Variants in TACC2 observed in about 807,000 individuals in gnomAD.
TACC2 encodes the protein transforming acidic coiled-coil containing protein 2.
Under a neutral mutation model 227.3 loss-of-function variants are expected in TACC2, and 137 were observed. That is an observed-to-expected ratio of 0.60 (90% CI 0.52 to 0.69). The LOEUF is 0.69. TACC2 is among the 30% of genes least tolerant of loss of function. The pLI is 0.00. For missense variants in TACC2, 3,470 were observed against 3,694.4 expected, an observed-to-expected ratio of 0.94 and a Z score of 1.57; for synonymous variants, 1,523 against 1,487.5, an observed-to-expected ratio of 1.02 and a Z score of -0.55.
At chr10:122,178,172 C>T (rs1374412681) in intron 7 of TACC2, among the ~76,000 whole-genome samples, 1 of 151,882 alleles carries the variant, frequency 6.6e-6, no homozygotes, top group Non-Finnish European at 1.5e-5. Flanking sequence ...CTTGCTGTGT[C>T]CTTGCATGGT....
At chr10:122,213,396 A>C (rs150669201) in intron 9 of TACC2, 3 of 1,611,382 alleles carry the variant, frequency 1.9e-6, no homozygotes, top group Non-Finnish European at 2.5e-6. Context: ...ATTTAATGCA[A>C]TCTGCCTCTT....
rs201403636 is a variant in TACC2 at position 122,086,555 on chromosome 10, G to A, written c.4055G>A (p.Gly1352Asp). 94 of 1,605,798 alleles carry A rather than the reference G, an allele frequency of 5.9e-5. No individual in the cohort carries two copies. The highest frequency in any genetic ancestry group is 1.7e-5 in the Admixed American group (1 of 59,546). The change falls in exon 4 of 23, where the codon GGT (glycine) becomes GAT (aspartate). Residue 1352 changes from glycine to aspartate, a missense_variant. Gly to Asp is a moderately conservative substitution (Grantham distance 94). Coordinates refer to ENST00000369005, the MANE Select transcript of TACC2 (RefSeq NM_206862.4). ...TGEEKAATAP[G>D]AGAKASGEGM... The stretch of plus-strand genomic sequence containing the variant: ...GAAGAGAAAGCAGCAACAGCTCCAG[G>A]TGCAGGTGCCAAGGCCAGTGGGGAG...
intron 7 of TACC2, among the ~76,000 whole-genome samples, chr10:122,152,506 G>C (rs1039119814): frequency 6.6e-6 from 1 of 152,174 alleles, no homozygotes; most frequent in Admixed American, 6.5e-5. Context: ...CGATTGGCAC[G>C]GACCTTCCCT....
At chr10:122,053,995 G>A (rs955751734) in intron 3 of TACC2, among the ~76,000 whole-genome samples, 1 of 152,210 alleles carries the variant, frequency 6.6e-6, no homozygotes, top group Non-Finnish European at 1.5e-5. Flanking sequence ...TATTCCCAAA[G>A]ATGGTCCCTC....
intron 19 of TACC2, 155 bp from the exon 20 acceptor site, chr10:122,248,488 G>T: frequency 1.2e-6 from 1 of 831,932 alleles, no homozygotes; most frequent in Non-Finnish European, 1.9e-6. Context: ...GACAGTCTGG[G>T]AGGGCTCTGG....
intron 5 of TACC2, among the ~76,000 whole-genome samples, chr10:122,105,815 GT>G (rs1314549261): frequency 6.6e-6 from 1 of 151,066 alleles, no homozygotes; most frequent in East Asian, 2.0e-4. Context: ...TAGAGATGGG[GT>G]TTCACCACGT....
In TACC2 at chr10:122,084,098, C is replaced by G. The variant is rs752444601; in HGVS notation, c.1598C>G (p.Pro533Arg). 1.2e-6 allele frequency: 2 copies of G among 1,614,120 alleles called. No individual in the cohort carries two copies. Among genetic ancestry groups the G allele is most frequent in the Admixed American group, 1.7e-5 (1 of 60,018 alleles). The change falls in exon 4 of 23, where the codon CCT becomes CGT. Residue 533 changes from proline (P) to arginine (R), a missense_variant. Pro to Arg is a moderately radical substitution (Grantham distance 103). This residue lies in a region of TACC2 where 1,924 missense variants were observed against 1,978.3 expected (regional missense o/e 0.97). Coordinates refer to ENST00000369005, the MANE Select transcript of TACC2 (RefSeq NM_206862.4). ...SHEVQPGAPPPPLPKAPSESA... is the reference protein window; with the variant it reads ...SHEVQPGAPPRPLPKAPSESA... The stretch of plus-strand genomic sequence containing the variant: ...GAGGTCCAACCAGGAGCACCACCCC[C>G]TCCTCTTCCCAAGGCACCAAGTGAA...
intron 7 of TACC2, among the ~76,000 whole-genome samples, chr10:122,173,697 A>G (rs1762454406): frequency 6.6e-6 from 1 of 152,244 alleles, no homozygotes; most frequent in Non-Finnish European, 1.5e-5. Context: ...TGTCTGTGGA[A>G]GGTGGTCCTT....
At chr10:122,229,213 A>G in intron 14 of TACC2, 133 bp from the exon 15 acceptor site, 1 of 957,072 alleles carries the variant, frequency 1.0e-6, no homozygotes, top group Non-Finnish European at 1.6e-6. Context: ...AAGTAATGGC[A>G]GCTAATTGAT....
intron 9 of TACC2, chr10:122,213,242 C>G: frequency 7.9e-7 from 1 of 1,265,628 alleles, no homozygotes; most frequent in African/African-American, 1.5e-5. Flanking sequence ...ACAGCGGTGG[C>G]CGCCATATCC....
At chr10:122,137,632 A>G (rs2089917525) in intron 6 of TACC2, among the ~76,000 whole-genome samples, 1 of 152,222 alleles carries the variant, frequency 6.6e-6, no homozygotes, top group Non-Finnish European at 1.5e-5. Flanking sequence ...ACTCCCACCC[A>G]CACGGCTGAA....
At chr10:122,009,270 A>C (rs985086851) in intron 1 of TACC2, among the ~76,000 whole-genome samples, 1 of 152,036 alleles carries the variant, frequency 6.6e-6, no homozygotes, top group African/African-American at 2.4e-5. Flanking sequence ...TCACTTTGGG[A>C]GGAAGTATTG....
At chr10:122,025,403 C>T (rs897559967) in intron 2 of TACC2, among the ~76,000 whole-genome samples, 7 of 150,290 alleles carry the variant, frequency 4.7e-5, no homozygotes, top group Admixed American at 1.3e-4. Flanking sequence ...TGGGATTACA[C>T]GCGCATGCCA....
At chr10:122,218,397 C>T (rs978713640) in intron 11 of TACC2, among the ~76,000 whole-genome samples, 4 of 151,884 alleles carry the variant, frequency 2.6e-5, no homozygotes, top group Non-Finnish European at 5.9e-5. Context: ...CATGAGGGTG[C>T]AGGTAGATTT....
At chr10:122,198,551 C>G (rs1357232364) in intron 8 of TACC2, among the ~76,000 whole-genome samples, 2 of 152,220 alleles carry the variant, frequency 1.3e-5, no homozygotes, top group Non-Finnish European at 2.9e-5. Flanking sequence ...TGTTTCATCT[C>G]CCACTCAGGT....
At position 122,248,956 on chromosome 10, in the gene TACC2, G is replaced by T. The variant is rs561825105; in HGVS notation, c.8554-94G>T. 2,214 of 1,490,942 alleles carry T rather than the reference G, an allele frequency of 1.5e-3. 3 individuals carry two copies. Among genetic ancestry groups the T allele is most frequent in the South Asian group, 2.4e-3 (205 of 84,632 alleles). 92.4% of individuals were successfully genotyped at this position (1,490,942 alleles called of 1,614,324 possible). A position where few individuals can be genotyped will look rare whatever the true frequency, so the allele number is the denominator to read the frequency against. On this transcript the variant is annotated intron_variant, in intron 20 of 22. Transcript: ENST00000369005. ...GGGGAGGCAGACTTGGCCGCCTGGG[G>T]TTACACCTGCATCCGAGAGTTCCTG... is the stretch of plus-strand genomic sequence containing the variant.
intron 6 of TACC2, among the ~76,000 whole-genome samples, chr10:122,140,799 T>A (rs2090413894): frequency 1.3e-5 from 2 of 152,202 alleles, no homozygotes; most frequent in South Asian, 4.1e-4. Flanking sequence ...CCTACCTGCT[T>A]ACTCGCTTTG....
chr10:122,017,818 C>CAAAAAAAAA (rs5788525), intron 1 of TACC2, among the ~76,000 whole-genome samples: 4 of 74,882 alleles, frequency 5.3e-5, no homozygotes, highest in Admixed American at 1.8e-4. Flanking sequence ...GAAACTGTCT[C>CAAAAAAAAA]AAAAAAAAAA....
chr10:122,253,696 G>A lies in TACC2; in HGVS notation c.8782-295G>A, dbSNP rs2096291292. The stretch of plus-strand genomic sequence containing the variant: ...CTAGTTAGTCCTTCACTCTGTGCTG[G>A]TCACTGCCAGGAAACTACATTTATC... On this transcript the variant is annotated intron_variant, in intron 22 of 22. Coordinates refer to ENST00000369005, the MANE Select transcript of TACC2 (RefSeq NM_206862.4). Among the ~76,000 whole-genome samples, 4 of 152,212 alleles carry A rather than the reference G, an allele frequency of 2.6e-5. No individual in the cohort carries two copies. In the South Asian group the frequency reaches 6.2e-4, roughly 24 times the overall value.
Sources: allele counts gnomAD v4.1 joint callset (sites outside exome capture counted in the v4.1 genomes callset), GRCh38; gene constraint gnomAD v4.1.1; regional missense constraint gnomAD v4.1.1; transcripts MANE v1.5; gene names NCBI Gene and HGNC (gene_info 2026-07-23, HGNC 2026-07-21).